Variants in SCUBE1 observed in about 807,000 individuals in gnomAD.
SCUBE1 encodes signal peptide, CUB domain and EGF like domain containing 1.
Under a neutral mutation model 124.4 loss-of-function variants are expected in SCUBE1, and 59 were observed. The ratio of observed to expected loss-of-function variants is 0.47; its 90% confidence interval spans 0.38 to 0.59. The LOEUF (loss-of-function observed/expected upper bound fraction) is 0.59, where lower values mean the gene tolerates loss of function less well. SCUBE1 is among the 20% of genes least tolerant of loss of function. The probability of loss-of-function intolerance (pLI) is 0.00; values close to 1 mark genes in which losing one functional copy is unlikely to be tolerated. For missense variants in SCUBE1, 1,150 were observed against 1,371.2 expected (o/e 0.84, Z 2.55); for synonymous variants, 545 against 550.9 (o/e 0.99, Z 0.15).
In SCUBE1 at chr22:43,214,137, C is replaced by A; in HGVS notation, c.2006G>T (p.Ser669Ile). 1 of 1,607,698 alleles carries A rather than the reference C, an allele frequency of 6.2e-7. No homozygotes were observed. Among genetic ancestry groups the A allele is most frequent in the Non-Finnish European group, 8.5e-7 (1 of 1,176,798 alleles). Residue 669 changes from serine to isoleucine, a missense_variant, in exon 16 of 22, where the codon AGC (serine) becomes ATC (isoleucine). Ser to Ile is a moderately radical substitution (Grantham distance 142). Around this residue, in one of 3 missense-constraint regions of SCUBE1, gnomAD observed 757 missense variants for 840.9 expected, o/e 0.90. Transcript: ENST00000360835. ...GQLSCTPCPS[S>I]DGLGLPGARN... Reference sequence around the variant, plus strand: ...GGCACCAGGCAGACCAAGCCCGTCGCTGCTGGGGCACGGTGTGCAACTGAG... The same window carrying A: ...GGCACCAGGCAGACCAAGCCCGTCGATGCTGGGGCACGGTGTGCAACTGAG...
chr22:43,312,202 G>C (rs1926194435), intron 3 of SCUBE1, among the ~76,000 whole-genome samples: 1 of 152,226 alleles, frequency 6.6e-6, no homozygotes, highest in South Asian at 2.1e-4. Flanking sequence ...ATCTGACACT[G>C]CACTAGGTTC....
At chr22:43,276,557 A>C (rs1447222340) in intron 4 of SCUBE1, among the ~76,000 whole-genome samples, 1 of 152,120 alleles carries the variant, frequency 6.6e-6, no homozygotes, top group Non-Finnish European at 1.5e-5. Flanking sequence ...GGGAGGGCTC[A>C]CACCACTCCC....
intron 2 of SCUBE1, among the ~76,000 whole-genome samples, chr22:43,335,311 T>G (rs1009644985): frequency 6.6e-6 from 1 of 152,194 alleles, no homozygotes; most frequent in Non-Finnish European, 1.5e-5. Flanking sequence ...GGTATATATG[T>G]GAGCACTCTG....
chr22:43,235,200 G>C (rs1376982948), intron 7 of SCUBE1, among the ~76,000 whole-genome samples: 2 of 152,234 alleles, frequency 1.3e-5, no homozygotes, highest in Non-Finnish European at 2.9e-5. Context: ...GTTGAGGGAA[G>C]GGTGGGGTCT....
intron 10 of SCUBE1, 82 bp from the exon 11 acceptor site, chr22:43,223,298 A>C: frequency 2.1e-6 from 3 of 1,447,234 alleles, no homozygotes; most frequent in Non-Finnish European, 2.8e-6. Flanking sequence ...GGTATGGCCT[A>C]ATGGGGACTC....
intron 3 of SCUBE1, among the ~76,000 whole-genome samples, chr22:43,302,384 G>C (rs758224749): frequency 6.6e-6 from 1 of 152,140 alleles, no homozygotes. Flanking sequence ...AGAGGGAAGC[G>C]GTCTGGAGAC....
intron 4 of SCUBE1, among the ~76,000 whole-genome samples, chr22:43,281,446 CCTGTCATCTCCCTCAGCCACCCT>C (rs1924852714): frequency 1.5e-5 from 1 of 65,060 alleles, no homozygotes; most frequent in Non-Finnish European, 2.6e-5. Flanking sequence ...TGGCCACCCT[CCTGTCATCTCCCTCAGCCACCCT>C]CCTGTCACCT....
At chr22:43,248,859 G>A (rs1440866967) in intron 6 of SCUBE1, among the ~76,000 whole-genome samples, 1 of 152,176 alleles carries the variant, frequency 6.6e-6, no homozygotes, top group African/African-American at 2.4e-5. Flanking sequence ...CCTGGGCACT[G>A]AGGCCCCATC....
At position 43,218,352 on chromosome 22, in the gene SCUBE1, G is replaced by C. The variant is rs142184960; in HGVS notation, c.1794C>G (p.Val598=). Residue 598 remains valine, a synonymous_variant, in exon 15 of 22, where the codon GTC becomes GTG. Transcript: ENST00000360835. Reference sequence around the variant, plus strand: ...GGGCTACCTCGTACTCAGTGCCTGAGACCTGGACATAGAACTGCTGCCGGC... The same window carrying C: ...GGGCTACCTCGTACTCAGTGCCTGACACCTGGACATAGAACTGCTGCCGGC... ...SIGRQQFYVQ[V]SGTEYEVAQR... is the part of the protein sequence containing the mutation. 3 of 1,613,498 alleles carry C rather than the reference G, an allele frequency of 1.9e-6. No individual in the cohort carries two copies. The highest frequency in any genetic ancestry group is 1.7e-6 in the Non-Finnish European group (2 of 1,180,038).
At chr22:43,306,118 C>G (rs1925961091) in intron 3 of SCUBE1, among the ~76,000 whole-genome samples, 3 of 152,174 alleles carry the variant, frequency 2.0e-5, no homozygotes, top group Admixed American at 1.3e-4. Flanking sequence ...CCCCAAACGC[C>G]ACCCAGGGCC....
intron 21 of SCUBE1, among the ~76,000 whole-genome samples, chr22:43,207,081 C>T (rs533895330): frequency 6.6e-6 from 1 of 152,170 alleles, no homozygotes; most frequent in East Asian, 1.9e-4. Flanking sequence ...CTGGCCAGTA[C>T]CCACCATGTG....
chr22:43,212,489 G>A lies in SCUBE1; in HGVS notation c.2157C>T (p.Pro719=), dbSNP rs1054393207. 3 of 1,555,116 alleles carry A rather than the reference G, an allele frequency of 1.9e-6. No homozygotes were observed. Among genetic ancestry groups the A allele is most frequent in the African/African-American group, 2.7e-5 (2 of 73,278 alleles). ...QPEPGRTGCF[P]CGGGLLTKHE... is the part of the protein sequence containing the mutation. ...GTTTGGTGAGCAAACCCCCTCCACA[G>A]GGGAAGCAGCCGGTGCGCCCGGGCT... The change falls in exon 17 of 22, where the codon CCC becomes CCT. Residue 719 remains proline, a synonymous_variant. Coordinates refer to ENST00000360835, the MANE Select transcript of SCUBE1 (RefSeq NM_173050.5).
chr22:43,281,456 C>CCCTCTTTGGCCACCCTCCTGTTACCTCCT lies in SCUBE1; in HGVS notation c.484+9589_484+9590insAGGAGGTAACAGGAGGGTGGCCAAAGAGG, dbSNP rs1555886003. On this transcript the variant is annotated intron_variant, in intron 4 of 21. Transcript: ENST00000360835. ...TCCCTTGGCCACCCTCCTGTCATCTCCCTCAGCCACCCTCCTGTCACCTCC... is the reference window on the plus strand; with the variant it reads ...TCCCTTGGCCACCCTCCTGTCATCTCCCTCTTTGGCCACCCTCCTGTTACCTCCTCCTCAGCCACCCTCCTGTCACCTCC... 3.5e-5 allele frequency among the ~76,000 whole-genome samples: 2 copies of CCCTCTTTGGCCACCCTCCTGTTACCTCCT among 57,246 alleles called. 1 individual carries two copies. Among genetic ancestry groups the CCCTCTTTGGCCACCCTCCTGTTACCTCCT allele is most frequent in the African/African-American group, 3.0e-4 (2 of 6,656 alleles). 37.6% of individuals were successfully genotyped at this position (57,246 alleles called of 152,430 possible). A position where few individuals can be genotyped will look rare whatever the true frequency, so the allele number is the denominator to read the frequency against.
In SCUBE1 at chr22:43,199,825, C is replaced by T. The variant is rs1920976060; in HGVS notation, c.*4172G>A. The T allele has an allele frequency of 1.3e-5, 2 of 154,844 alleles. No individual in the cohort carries two copies. The highest frequency in any genetic ancestry group is 1.8e-4 in the South Asian group (1 of 5,610). The allele number at this position is 154,844 out of a possible 1,614,324, so 9.6% of individuals were successfully genotyped here. On this transcript the variant is annotated 3_prime_UTR_variant, in exon 22 of 22. Transcript: ENST00000360835. ...GGGGAAAGATGGGGAGAGGCTCTGGCATGGGGAAGGACTGGGAAAAGGCAC... is the reference window on the plus strand; with the variant it reads ...GGGGAAAGATGGGGAGAGGCTCTGGTATGGGGAAGGACTGGGAAAAGGCAC...
intron 20 of SCUBE1, among the ~76,000 whole-genome samples, 184 bp downstream of exon 20, chr22:43,207,888 G>T (rs1039394459): frequency 6.6e-6 from 1 of 152,188 alleles, no homozygotes; most frequent in Non-Finnish European, 1.5e-5. Context: ...CCGCTGTCTT[G>T]CCTGTACCAC....
intron 2 of SCUBE1, among the ~76,000 whole-genome samples, chr22:43,323,199 A>G (rs1381467350): frequency 6.6e-6 from 1 of 152,048 alleles, no homozygotes. Context: ...TTACCCATCT[A>G]TCCTTCTACT....
At chr22:43,286,589 G>A (rs549043998) in intron 4 of SCUBE1, among the ~76,000 whole-genome samples, 4 of 152,344 alleles carry the variant, frequency 2.6e-5, no homozygotes, top group African/African-American at 7.2e-5. Flanking sequence ...ACCATGTCAC[G>A]AACGTCTCTG....
At chr22:43,208,406 G>A (rs556329753) in intron 19 of SCUBE1, among the ~76,000 whole-genome samples, 182 bp from the exon 20 acceptor site, 45 of 152,162 alleles carry the variant, frequency 3.0e-4, no homozygotes, top group Admixed American at 2.4e-3. Context: ...CCCTCAACCC[G>A]GGTTCTTACT....
At chr22:43,245,946 G>C (rs901090930) in intron 6 of SCUBE1, among the ~76,000 whole-genome samples, 1 of 152,196 alleles carries the variant, frequency 6.6e-6, no homozygotes, top group Non-Finnish European at 1.5e-5. Context: ...TCCCGCACCT[G>C]CTCAGAAAGC....
Sources: gnomAD v4.1 joint callset for allele counts (sites outside exome capture counted in the v4.1 genomes callset) on GRCh38, gnomAD v4.1.1 for gene constraint, gnomAD v4.1.1 regional missense constraint, MANE v1.5 for transcripts, NCBI Gene and HGNC (gene_info 2026-07-23, HGNC 2026-07-21) for gene names.